Variants in RASGRF2 observed in about 807,000 individuals in gnomAD.
RASGRF2 encodes the protein ras-specific guanine nucleotide-releasing factor 2.
In RASGRF2, 76 loss-of-function variants were observed where a neutral mutation model predicts 151.0. The ratio of observed to expected loss-of-function variants is 0.50; its 90% CI spans 0.42 to 0.61. RASGRF2 has a LOEUF of 0.61. Among genes scored for constraint, RASGRF2 ranks in the 20% least tolerant of loss-of-function variants. The probability of loss-of-function intolerance (pLI) is 0.00; values close to 1 mark genes in which losing one functional copy is unlikely to be tolerated. For synonymous variants in RASGRF2, 504 were observed against 566.5 expected, an observed-to-expected ratio of 0.89 and a Z score of 1.57; for missense variants, 1,148 against 1,564.6, an observed-to-expected ratio of 0.73 and a Z score of 4.49.
chr5:81,054,731 C>T (rs1344963458), intron 2 of RASGRF2, among the ~76,000 whole-genome samples: 1 of 127,166 alleles, frequency 7.9e-6, no homozygotes, highest in East Asian at 2.2e-4. Context: ...TGGCCATTTT[C>T]ATGATATTGA....
intron 1 of RASGRF2, among the ~76,000 whole-genome samples, chr5:81,016,122 G>A (rs1205918370): frequency 1.3e-5 from 2 of 152,306 alleles, no homozygotes; most frequent in East Asian, 3.9e-4. Context: ...AGAGCTGGGA[G>A]TGGGGTGAAG....
intron 12 of RASGRF2, among the ~76,000 whole-genome samples, chr5:81,097,583 G>C (rs912077590): frequency 6.6e-6 from 1 of 152,172 alleles, no homozygotes; most frequent in Non-Finnish European, 1.5e-5. Context: ...TGGGTTGGTA[G>C]AGTTTTTAAA....
chr5:81,168,821 C>T (rs1359781191), intron 17 of RASGRF2, among the ~76,000 whole-genome samples: 1 of 152,310 alleles, frequency 6.6e-6, no homozygotes, highest in East Asian at 1.9e-4. Context: ...AATCCAATCC[C>T]CTTGTCTTAC....
chr5:81,131,720 C>T (rs1288189416), intron 17 of RASGRF2, among the ~76,000 whole-genome samples: 1 of 151,850 alleles, frequency 6.6e-6, no homozygotes, highest in Non-Finnish European at 1.5e-5. Flanking sequence ...CTTCCCTTCC[C>T]AAAATTGGAT....
chr5:81,050,149 T>A (rs1258636222), intron 2 of RASGRF2, among the ~76,000 whole-genome samples: 1 of 152,178 alleles, frequency 6.6e-6, no homozygotes, highest in African/African-American at 2.4e-5. Flanking sequence ...TTTCTCCACA[T>A]GTCTGCAGCA....
chr5:81,208,552 T>A, intron 22 of RASGRF2, 114 bp downstream of exon 22: 2 of 323,238 alleles, frequency 6.2e-6, no homozygotes, highest in Non-Finnish European at 1.0e-5. Flanking sequence ...TTTTTTTTTT[T>A]TTTTTTTTTT....
intron 2 of RASGRF2, among the ~76,000 whole-genome samples, chr5:81,051,056 T>C (rs1465648975): frequency 6.6e-6 from 1 of 152,208 alleles, no homozygotes; most frequent in Non-Finnish European, 1.5e-5. Flanking sequence ...ATCACTAATA[T>C]CTGTCTATAT....
chr5:81,093,055 C>T, intron 10 of RASGRF2, 94 bp downstream of exon 10: 1 of 1,296,508 alleles, frequency 7.7e-7, no homozygotes, highest in Non-Finnish European at 1.1e-6. Context: ...TTGGTATTAT[C>T]ATAAAACAGA....
chr5:80,978,924 A>G (rs1385376142), intron 1 of RASGRF2, among the ~76,000 whole-genome samples: 1 of 152,228 alleles, frequency 6.6e-6, no homozygotes, highest in South Asian at 2.1e-4. Flanking sequence ...CATTATTTTT[A>G]AGGACTGTAC....
At chr5:81,138,868 T>G (rs1181264224) in intron 17 of RASGRF2, among the ~76,000 whole-genome samples, 4 of 152,182 alleles carry the variant, frequency 2.6e-5, no homozygotes, top group African/African-American at 9.7e-5. Flanking sequence ...TTCATTCCTC[T>G]TGTATTATGG....
chr5:81,100,069 A>G lies in RASGRF2; in HGVS notation c.1755+5077A>G, dbSNP rs944188724. ...ACTACAGGCACCCACCAGCATGCCC[A>G]GCTAATTTTTTGCATGTTTAGTAGA... On this transcript the variant is annotated intron_variant, in intron 12 of 26. Transcript: ENST00000265080. Among the ~76,000 whole-genome samples, 62 of 151,828 alleles carry G rather than the reference A, an allele frequency of 4.1e-4. 1 individual carries two copies. Among genetic ancestry groups the G allele is most frequent in the Admixed American group, 3.3e-4 (5 of 15,232 alleles).
In RASGRF2 at chr5:80,969,815, C is replaced by CTTTTTTTTTTT. The variant is rs10584906; in HGVS notation, c.288+8807_288+8817dup. On this transcript the variant is annotated intron_variant, in intron 1 of 26. Coordinates refer to ENST00000265080, the MANE Select transcript of RASGRF2 (RefSeq NM_006909.3). The stretch of plus-strand genomic sequence containing the variant: ...ACAGATGCCAATAATACTTCTTCTT[C>CTTTTTTTTTTT]TTTTTTTTTTTTTTTTTTTTTTTTT... Among the ~76,000 whole-genome samples the CTTTTTTTTTTT allele has an allele frequency of 1.7e-4, 13 of 76,942 alleles. 2 individuals carry two copies. Among genetic ancestry groups the CTTTTTTTTTTT allele is most frequent in the Admixed American group, 5.0e-4 (3 of 6,004 alleles). The allele number at this position is 76,942 out of a possible 152,430, so 50.5% of individuals were successfully genotyped here. A position where few individuals can be genotyped will look rare whatever the true frequency, so the allele number is the denominator to read the frequency against.
chr5:80,960,616 G>A lies in RASGRF2; in HGVS notation c.-123G>A. ...CGGGGTGCCCTGCGCGCGGCGTGGG[G>A]AAAGGGGGCGCCCTTCGCCGGCCGG... On this transcript the variant is annotated 5_prime_UTR_variant, in exon 1 of 27. Transcript: ENST00000265080. This position sits in a 1 kb window ranked among gnomAD's most constrained non-coding sequence, Gnocchi z 5.5. 1 of 989,486 alleles carries A rather than the reference G, an allele frequency of 1.0e-6. No homozygotes were observed. Among genetic ancestry groups the A allele is most frequent in the Non-Finnish European group, 1.3e-6 (1 of 767,544 alleles). 61.3% of individuals were successfully genotyped at this position (989,486 alleles called of 1,614,324 possible). A position where few individuals can be genotyped will look rare whatever the true frequency, so the allele number is the denominator to read the frequency against.
intron 1 of RASGRF2, among the ~76,000 whole-genome samples, chr5:81,028,968 A>G (rs990880560): frequency 4.6e-5 from 7 of 152,166 alleles, no homozygotes; most frequent in South Asian, 2.1e-4. Flanking sequence ...CGCTTTTCCA[A>G]TGGTCTTAGC....
At chr5:81,162,027 CCTAA>C (rs1015841826) in intron 17 of RASGRF2, among the ~76,000 whole-genome samples, 8 of 151,842 alleles carry the variant, frequency 5.3e-5, no homozygotes, top group East Asian at 1.9e-4. Context: ...AAACGCGTAG[CCTAA>C]CTGTTTTTTA....
At chr5:81,085,326 T>TAG (rs2112486109) in intron 7 of RASGRF2, among the ~76,000 whole-genome samples, 1 of 152,300 alleles carries the variant, frequency 6.6e-6, no homozygotes, top group South Asian at 2.1e-4. Flanking sequence ...TGAGATAAAG[T>TAG]AGAAACAGAA....
chr5:81,033,224 A>G (rs1750333118), intron 1 of RASGRF2, among the ~76,000 whole-genome samples: 1 of 149,220 alleles, frequency 6.7e-6, no homozygotes, highest in Admixed American at 6.9e-5. Context: ...CATACTGCCC[A>G]AGGTAATTTA....
At chr5:80,973,491 G>A (rs1214695589) in intron 1 of RASGRF2, among the ~76,000 whole-genome samples, 2 of 152,158 alleles carry the variant, frequency 1.3e-5, no homozygotes, top group Non-Finnish European at 2.9e-5. Flanking sequence ...TAGATGTTTT[G>A]TCTGGAAGGG....
chr5:81,059,840 CCAAAAAA>C (rs149760659), intron 2 of RASGRF2, among the ~76,000 whole-genome samples: 28 of 150,704 alleles, frequency 1.9e-4, no homozygotes, highest in Middle Eastern at 3.4e-3. Flanking sequence ...GGAGACTCCA[CCAAAAAA>C]CAAAAAACAA....
Sources: allele counts gnomAD v4.1 joint callset (sites outside exome capture counted in the v4.1 genomes callset), GRCh38; gene constraint gnomAD v4.1.1; non-coding constraint Gnocchi (gnomAD v3.1); transcripts MANE v1.5; gene names NCBI Gene and HGNC (gene_info 2026-07-23, HGNC 2026-07-21).